PCDH9: variants seen among roughly 807,000 people sequenced by gnomAD.
PCDH9 encodes the protein protocadherin 9.
PCDH9 carries 24 observed loss-of-function variants against 70.6 expected under a neutral mutation model. The ratio of observed to expected loss-of-function variants is 0.34; its 90% CI spans 0.25 to 0.48. The LOEUF is 0.48. PCDH9 is among the 20% of genes least tolerant of loss of function. The pLI is 0.99. For missense variants in PCDH9, 1,281 were observed against 1,503.6 expected (o/e 0.85, Z 2.45); for synonymous variants, 562 against 558.5 (o/e 1.01, Z -0.09).
chr13:66,824,651 GATATATATATAT>G (rs67211029), intron 3 of PCDH9, among the ~76,000 whole-genome samples: 2,101 of 98,902 alleles, frequency 0.021, 41 homozygotes, highest in African/African-American at 0.035. Flanking sequence ...GCGAAACTCT[GATATATATATAT>G]ATATATATAT....
At chr13:66,788,028 C>T (rs2080106532) in intron 3 of PCDH9, among the ~76,000 whole-genome samples, 1 of 152,148 alleles carries the variant, frequency 6.6e-6, no homozygotes, top group Non-Finnish European at 1.5e-5. Context: ...GTGCAAATTT[C>T]TGTTGTACTA....
chr13:66,809,643 A>G (rs1444014101), intron 3 of PCDH9, among the ~76,000 whole-genome samples: 1 of 152,196 alleles, frequency 6.6e-6, no homozygotes, highest in Non-Finnish European at 1.5e-5. Flanking sequence ...TAGTATCTAC[A>G]TGTAGAGACT....
At chr13:66,661,588 A>G (rs1207883983) in intron 3 of PCDH9, among the ~76,000 whole-genome samples, 1 of 152,196 alleles carries the variant, frequency 6.6e-6, no homozygotes, top group African/African-American at 2.4e-5. Flanking sequence ...TTAGACCATA[A>G]TTTTCTGCTA....
chr13:66,700,883 CTA>C (rs1382218530), intron 3 of PCDH9, among the ~76,000 whole-genome samples: 1 of 130,324 alleles, frequency 7.7e-6, no homozygotes, highest in Non-Finnish European at 1.6e-5. Context: ...TTCTGAATGT[CTA>C]TGTTATATAT....
chr13:66,370,832 G>A (rs1441137417), intron 4 of PCDH9, among the ~76,000 whole-genome samples: 1 of 151,926 alleles, frequency 6.6e-6, no homozygotes, highest in African/African-American at 2.4e-5. Context: ...CCATAGTCTT[G>A]AATAAACTCT....
intron 4 of PCDH9, among the ~76,000 whole-genome samples, chr13:66,321,071 A>G (rs1434660908): frequency 6.6e-6 from 1 of 152,014 alleles, no homozygotes; most frequent in South Asian, 2.1e-4. Flanking sequence ...AGCTTAAGAC[A>G]TATACCAGGC....
At chr13:66,460,282 T>C (rs1323586980) in intron 4 of PCDH9, among the ~76,000 whole-genome samples, 3 of 151,856 alleles carry the variant, frequency 2.0e-5, no homozygotes, top group Non-Finnish European at 4.4e-5. Context: ...ATAAATACAA[T>C]ACAGATATCT....
chr13:67,120,179 C>T (rs1470795228), intron 2 of PCDH9, among the ~76,000 whole-genome samples: 2 of 48,768 alleles, frequency 4.1e-5, no homozygotes, highest in Admixed American at 2.2e-4. Context: ...ATGTAATGCT[C>T]ATGCATTAAA....
chr13:67,141,262 G>A (rs993190898), intron 2 of PCDH9, among the ~76,000 whole-genome samples: 9 of 152,084 alleles, frequency 5.9e-5, no homozygotes, highest in South Asian at 2.1e-4. Context: ...AAATGCAGAC[G>A]GCATGAAAGA....
rs74933723 is a variant in PCDH9 at position 67,034,479 on chromosome 13, C to T, written c.3037-130874G>A. On this transcript the variant is annotated intron_variant, in intron 2 of 4. Coordinates refer to ENST00000377865, the MANE Select transcript of PCDH9 (RefSeq NM_203487.3). ...AGAGTCGAAATATATAGCTGACAACCTTCCAGCATATGCAGCTAATGATGA... is the reference window on the plus strand; with the variant it reads ...AGAGTCGAAATATATAGCTGACAACTTTCCAGCATATGCAGCTAATGATGA... Among the ~76,000 whole-genome samples the T allele has an allele frequency of 4.7e-3, 712 of 152,190 alleles. 4 individuals carry two copies. Among genetic ancestry groups the T allele is most frequent in the African/African-American group, 0.012 (495 of 41,512 alleles).
chr13:66,512,032 T>C (rs544299094), intron 4 of PCDH9, among the ~76,000 whole-genome samples: 14 of 152,286 alleles, frequency 9.2e-5, no homozygotes, highest in African/African-American at 3.4e-4. Context: ...AATTTAGAGA[T>C]AGGTTTATCA....
intron 4 of PCDH9, among the ~76,000 whole-genome samples, chr13:66,584,045 C>G (rs2076930795): frequency 6.6e-6 from 1 of 152,120 alleles, no homozygotes; most frequent in Admixed American, 6.5e-5. Flanking sequence ...CATCCAAACC[C>G]ATTGCAGACA....
intron 2 of PCDH9, among the ~76,000 whole-genome samples, chr13:67,120,217 A>AATAATAATAAT (rs1555309223): frequency 2.0e-4 from 8 of 40,338 alleles, no homozygotes. Flanking sequence ...ATAATAATAA[A>AATAATAATAAT]GGGTCTGAAT....
chr13:67,097,604 C>G (rs967081227), intron 2 of PCDH9, among the ~76,000 whole-genome samples: 1 of 152,136 alleles, frequency 6.6e-6, no homozygotes, highest in African/African-American at 2.4e-5. Context: ...ACAAGTACCA[C>G]TCAGTAAATT....
intron 4 of PCDH9, among the ~76,000 whole-genome samples, chr13:66,454,566 T>C (rs1958279773): frequency 1.3e-5 from 2 of 152,184 alleles, no homozygotes; most frequent in Admixed American, 1.3e-4. Context: ...GGCTGTTTTC[T>C]TTATTCCTTA....
chr13:66,956,578 C>A (rs1008332961), intron 2 of PCDH9, among the ~76,000 whole-genome samples: 1 of 151,990 alleles, frequency 6.6e-6, no homozygotes, highest in African/African-American at 2.4e-5. Flanking sequence ...TGGTGAAAAC[C>A]CCTCTCTACC....
chr13:66,353,958 A>G (rs1208261484), intron 4 of PCDH9, among the ~76,000 whole-genome samples: 1 of 152,112 alleles, frequency 6.6e-6, no homozygotes, highest in Admixed American at 6.6e-5. Context: ...AAGAAGGAAA[A>G]TCCTCTTATT....
intron 2 of PCDH9, among the ~76,000 whole-genome samples, chr13:66,928,391 A>G (rs1008686915): frequency 6.6e-6 from 1 of 152,128 alleles, no homozygotes; most frequent in African/African-American, 2.4e-5. Flanking sequence ...GTGTCTCACA[A>G]CAATACACAA....
At chr13:66,827,057 T>C (rs1248031135) in intron 3 of PCDH9, among the ~76,000 whole-genome samples, 1 of 152,300 alleles carries the variant, frequency 6.6e-6, no homozygotes, top group African/African-American at 2.4e-5. Context: ...TGTATCTTTA[T>C]AGCATGGAGG....
Sources: gnomAD v4.1 joint callset for allele counts (sites outside exome capture counted in the v4.1 genomes callset) on GRCh38, gnomAD v4.1.1 for gene constraint, MANE v1.5 for transcripts, NCBI Gene and HGNC (gene_info 2026-07-23, HGNC 2026-07-21) for gene names.